Variants in DOCK4 observed in about 807,000 individuals in gnomAD.
The protein encoded by DOCK4 is dedicator of cytokinesis protein 4.
Under a neutral mutation model 268.1 loss-of-function variants are expected in DOCK4, and 97 were observed. The ratio of observed to expected loss-of-function variants is 0.36; its 90% confidence interval spans 0.31 to 0.43. The LOEUF is 0.43. Among genes scored for constraint, DOCK4 ranks in the 20% least tolerant of loss-of-function variants. The pLI, the probability that DOCK4 is intolerant of heterozygous loss-of-function variation, is 1.00. For missense variants in DOCK4, 2,145 were observed against 2,455.7 expected, an observed-to-expected ratio of 0.87 and a Z score of 2.67; for synonymous variants, 954 against 887.2, an observed-to-expected ratio of 1.08 and a Z score of -1.34.
chr7:112,184,429 G>T (rs1819316578), intron 1 of DOCK4, among the ~76,000 whole-genome samples: 1 of 152,144 alleles, frequency 6.6e-6, no homozygotes, highest in South Asian at 2.1e-4. Context: ...CTCCACCCCG[G>T]CCTCACCCAG....
rs570446999 is a variant in DOCK4 at position 112,128,731 on chromosome 7, G to A, written c.37+77371C>T. On this transcript the variant is annotated intron_variant, in intron 1 of 52. Coordinates refer to ENST00000428084, the MANE Select transcript of DOCK4 (RefSeq NM_001363540.2). ...CTTGAAGGCAGCATGCTCGTTAAGAGTCATCACCACTCCCTAATCTCAAGT... is the reference window on the plus strand; with the variant it reads ...CTTGAAGGCAGCATGCTCGTTAAGAATCATCACCACTCCCTAATCTCAAGT... Among the ~76,000 whole-genome samples the A allele has an allele frequency of 1.6e-3, 246 of 152,054 alleles. 2 individuals are homozygous for A. The highest frequency in any genetic ancestry group is 2.6e-3 in the Non-Finnish European group (179 of 67,970).
chr7:112,171,839 G>T (rs758130764), intron 1 of DOCK4, among the ~76,000 whole-genome samples: 1 of 152,202 alleles, frequency 6.6e-6, no homozygotes, highest in Non-Finnish European at 1.5e-5. Context: ...TTTTCTCACA[G>T]TTCTGGAGGC....
intron 1 of DOCK4, among the ~76,000 whole-genome samples, chr7:112,166,592 G>A (rs1343832660): frequency 6.6e-6 from 1 of 152,078 alleles, no homozygotes; most frequent in African/African-American, 2.4e-5. Context: ...ATTTCATAGA[G>A]GATTTATTTT....
In DOCK4 at chr7:112,006,074, C is replaced by T. The variant is rs114055326; in HGVS notation, c.38-1943G>A. Among the ~76,000 whole-genome samples the T allele has an allele frequency of 8.8e-3, 1,343 of 152,280 alleles. 23 individuals are homozygous for T. Among genetic ancestry groups the T allele is most frequent in the African/African-American group, 0.03 (1,267 of 41,542 alleles). On this transcript the variant is annotated intron_variant, in intron 1 of 52. Transcript: ENST00000428084. ...CCCTCCTCTTAAAGGTTGGTGTGAT[C>T]CAAGTTTCATTCTCCAGACACTCAA...
At chr7:111,799,945 G>A (rs1800152209) in intron 30 of DOCK4, among the ~76,000 whole-genome samples, 1 of 152,128 alleles carries the variant, frequency 6.6e-6, no homozygotes. Flanking sequence ...CACCCACAAT[G>A]TGGAATTCTG....
At chr7:111,840,921 G>A in intron 25 of DOCK4, 1 of 1,125,926 alleles carries the variant, frequency 8.9e-7, no homozygotes, top group African/African-American at 1.6e-5. Flanking sequence ...TCCAGAGAAT[G>A]GATTTTGTGA....
intron 8 of DOCK4, among the ~76,000 whole-genome samples, chr7:111,969,440 AC>A (rs141632627): frequency 0.13 from 14,738 of 110,266 alleles, 1,084 homozygotes; most frequent in East Asian, 0.34. Context: ...TATTAAAAAA[AC>A]AAAAAAACAA....
At chr7:111,844,931 T>C in intron 24 of DOCK4, 34 bp from the exon 25 acceptor site, 1 of 1,586,034 alleles carries the variant, frequency 6.3e-7, no homozygotes, top group African/African-American at 1.4e-5. Context: ...TTCAGGAAAC[T>C]GGGGTTTAAC....
At position 111,848,110 on chromosome 7, in the gene DOCK4, G is replaced by A. The variant is rs149581755; in HGVS notation, c.2474-984C>T. 2.1e-3 allele frequency among the ~76,000 whole-genome samples: 314 copies of A among 152,166 alleles called. 3 individuals carry two copies. The South Asian group carries it at 0.023, about 11-fold the overall frequency. ...GGAATTTGCCTTGAATTATTTCTAG[G>A]ATTATTTTCTTCTATCCTTTGTCTG... On this transcript the variant is annotated intron_variant, in intron 23 of 52. Transcript: ENST00000428084.
intron 1 of DOCK4, among the ~76,000 whole-genome samples, chr7:112,144,397 T>C (rs1270784293): frequency 6.6e-6 from 1 of 152,200 alleles, no homozygotes; most frequent in African/African-American, 2.4e-5. Flanking sequence ...GTTCTCTATC[T>C]AGCCTTCTCC....
chr7:111,876,408 A>T (rs748104661), intron 17 of DOCK4, among the ~76,000 whole-genome samples: 23 of 152,214 alleles, frequency 1.5e-4, no homozygotes, highest in Non-Finnish European at 3.2e-4. Context: ...TATGAGACAC[A>T]ATACCTCATT....
rs113379549 is a variant in DOCK4 at position 111,942,819 on chromosome 7, C to T, written c.844+1992G>A. Among the ~76,000 whole-genome samples the T allele has an allele frequency of 3.9e-3, 597 of 152,294 alleles. 6 individuals carry two copies. The highest frequency in any genetic ancestry group is 0.013 in the African/African-American group (544 of 41,554). On this transcript the variant is annotated intron_variant, in intron 10 of 52. Transcript: ENST00000428084. ...ACAACAGAGCAGTAGGGGCTACCTG[C>T]GTCAGGAATAAGAACTCCTTCCCCT...
intron 16 of DOCK4, among the ~76,000 whole-genome samples, chr7:111,879,554 G>A (rs920026296): frequency 1.3e-5 from 2 of 152,184 alleles, no homozygotes; most frequent in African/African-American, 4.8e-5. Context: ...CTCTTGGACA[G>A]CATTTCTGGA....
intron 34 of DOCK4, 55 bp from the exon 35 acceptor site, chr7:111,782,979 C>G: frequency 7.9e-7 from 1 of 1,260,986 alleles, no homozygotes; most frequent in African/African-American, 1.6e-5. Flanking sequence ...GGGGCAAACA[C>G]AGTTTGTTCT....
intron 23 of DOCK4, among the ~76,000 whole-genome samples, chr7:111,856,327 T>C (rs1805010650): frequency 6.6e-6 from 1 of 152,236 alleles, no homozygotes; most frequent in Admixed American, 6.5e-5. Flanking sequence ...AACCCACAGT[T>C]AAAACCTAGG....
chr7:111,987,530 C>T lies in DOCK4; in HGVS notation c.464+1485G>A, dbSNP rs528189895. 1.3e-4 allele frequency among the ~76,000 whole-genome samples: 20 copies of T among 152,310 alleles called. No individual in the cohort carries two copies. The East Asian group carries it at 1.9e-3, about 15-fold the overall frequency. On this transcript the variant is annotated intron_variant, in intron 6 of 52. Coordinates refer to ENST00000428084, the MANE Select transcript of DOCK4 (RefSeq NM_001363540.2). ...TTAGGCAGCATAGGTTTCGCTCCAA[C>T]GGACCCCTCCCACTCCACAATAATG...
At chr7:112,202,420 A>G (rs1367828970) in intron 1 of DOCK4, among the ~76,000 whole-genome samples, 1 of 152,260 alleles carries the variant, frequency 6.6e-6, no homozygotes, top group Non-Finnish European at 1.5e-5. Flanking sequence ...TGGAGATACA[A>G]TAAATAACAA....
At chr7:112,122,671 A>T (rs1812845480) in intron 1 of DOCK4, among the ~76,000 whole-genome samples, 1 of 152,140 alleles carries the variant, frequency 6.6e-6, no homozygotes, top group Admixed American at 6.5e-5. Flanking sequence ...TGAGAGGATG[A>T]TATATTTGAA....
chr7:111,928,147 T>C (rs1047272699), intron 12 of DOCK4, among the ~76,000 whole-genome samples: 1 of 152,240 alleles, frequency 6.6e-6, no homozygotes, highest in Non-Finnish European at 1.5e-5. Flanking sequence ...TTTGTTTGTA[T>C]ACTTTTCTTT....
Sources: allele counts gnomAD v4.1 joint callset (sites outside exome capture counted in the v4.1 genomes callset), GRCh38; gene constraint gnomAD v4.1.1; transcripts MANE v1.5; gene names NCBI Gene and HGNC (gene_info 2026-07-23, HGNC 2026-07-21).